RNF182: variants seen among roughly 807,000 people sequenced by gnomAD.
The protein encoded by RNF182 is E3 ubiquitin-protein ligase RNF182.
RNF182 carries 15 observed loss-of-function variants against 14.4 expected under a neutral mutation model. The ratio of observed to expected loss-of-function variants is 1.04; its 90% CI spans 0.70 to 1.60. RNF182 has a LOEUF of 1.60. RNF182 is among the 40% of genes most tolerant of loss of function. The probability of loss-of-function intolerance (pLI) is 0.00; values close to 1 mark genes in which losing one functional copy is unlikely to be tolerated. For missense variants in RNF182, 268 were observed against 294.8 expected, an observed-to-expected ratio of 0.91 and a Z score of 0.67; for synonymous variants, 128 against 122.9, an observed-to-expected ratio of 1.04 and a Z score of -0.27.
At chr6:13,955,167 T>C (rs1383031849) in intron 1 of RNF182, among the ~76,000 whole-genome samples, 1 of 152,236 alleles carries the variant, frequency 6.6e-6, no homozygotes. Flanking sequence ...GTAGTAGGAA[T>C]GCAGCGTTGG....
chr6:13,970,353 G>A (rs1319654581), intron 1 of RNF182, among the ~76,000 whole-genome samples: 1 of 152,154 alleles, frequency 6.6e-6, no homozygotes, highest in Admixed American at 6.5e-5. Flanking sequence ...AGAACATGAG[G>A]TATTTGTCTT....
chr6:13,976,193 T>G (rs1369427482), intron 2 of RNF182, among the ~76,000 whole-genome samples: 3 of 152,226 alleles, frequency 2.0e-5, no homozygotes, highest in African/African-American at 7.2e-5. Context: ...TTACTTCTCT[T>G]TCTTGGGACT....
At chr6:13,969,887 CT>C (rs914598017) in intron 1 of RNF182, among the ~76,000 whole-genome samples, 2 of 151,994 alleles carry the variant, frequency 1.3e-5, no homozygotes, top group African/African-American at 4.8e-5. Context: ...GAAAAGAAAA[CT>C]TTGTATTTAT....
At chr6:13,973,614 A>G (rs1029523456) in intron 1 of RNF182, among the ~76,000 whole-genome samples, 16 of 152,134 alleles carry the variant, frequency 1.1e-4, no homozygotes, top group African/African-American at 3.9e-4. Flanking sequence ...TTTGCTTGGC[A>G]TTCATTGTCT....
intron 1 of RNF182, among the ~76,000 whole-genome samples, chr6:13,951,170 C>T (rs750552447): frequency 6.6e-6 from 1 of 152,168 alleles, no homozygotes; most frequent in Non-Finnish European, 1.5e-5. Flanking sequence ...CATATAAATA[C>T]ACGGAGAGAT....
intron 1 of RNF182, among the ~76,000 whole-genome samples, chr6:13,960,702 C>A: frequency 6.8e-6 from 1 of 147,276 alleles, no homozygotes; most frequent in Non-Finnish European, 1.5e-5. Context: ...TGCGCGCGTG[C>A]ACATGCATGT....
At chr6:13,960,656 A>AGTGTGTGTGTGT (rs745687828) in intron 1 of RNF182, among the ~76,000 whole-genome samples, 183 of 133,212 alleles carry the variant, frequency 1.4e-3, no homozygotes, top group Middle Eastern at 7.4e-3. Context: ...GGAGAGAGAG[A>AGTGTGTGTGTGT]GTGTGTGTGT....
At chr6:13,968,051 G>GA (rs1171995907) in intron 1 of RNF182, among the ~76,000 whole-genome samples, 10 of 148,232 alleles carry the variant, frequency 6.7e-5, no homozygotes, top group African/African-American at 1.2e-4. Context: ...TATGAATTGG[G>GA]AAAAAAATCA....
At position 13,977,666 on chromosome 6, in the gene RNF182, C is replaced by T. The variant is rs376459249; in HGVS notation, c.547C>T (p.Arg183Trp). The T allele has an allele frequency of 9.3e-6, 15 of 1,613,978 alleles. 1 individual carries two copies. Among genetic ancestry groups the T allele is most frequent in the African/African-American group, 2.7e-5 (2 of 74,918 alleles). The change falls in exon 3 of 3, where the codon CGG becomes TGG. Residue 183 changes from arginine to tryptophan, a missense_variant. Arg to Trp is a moderately radical substitution (Grantham distance 101, BLOSUM62 -3). Transcript: ENST00000488300. ...CTSLLFQTSIRVLVWLLGLLY... is the reference protein window; with the variant it reads ...CTSLLFQTSIWVLVWLLGLLY... ...GTCCCTGCTGTTTCAGACATCCATCCGGGTGTTAGTGTGGTTGCTAGGTTT... is the reference window on the plus strand; with the variant it reads ...GTCCCTGCTGTTTCAGACATCCATCTGGGTGTTAGTGTGGTTGCTAGGTTT...
chr6:13,930,676 CAAGT>C (rs1316659586), intron 1 of RNF182, among the ~76,000 whole-genome samples: 1 of 152,144 alleles, frequency 6.6e-6, no homozygotes, highest in East Asian at 1.9e-4. Context: ...TTCATAAAAG[CAAGT>C]GAGTAAACAT....
At position 13,977,474 on chromosome 6, in the gene RNF182, G is replaced by T. The variant is rs762353538; in HGVS notation, c.355G>T (p.Val119Phe). The stretch of plus-strand genomic sequence containing the variant: ...CACCCCCAAGAGGCTGGCCTCTCTG[G>T]TCAGTCCTTCTCACACGTCCTCCAA... The part of the protein sequence containing the change: ...LLTPKRLASL[V>F]SPSHTSSNCL... The change falls in exon 3 of 3, where the codon GTC becomes TTC. Residue 119 changes from valine (V) to phenylalanine (F), a missense_variant. Physicochemically the swap from Val to Phe is conservative, Grantham distance 50. Transcript: ENST00000488300. 1 of 1,614,140 alleles carries T rather than the reference G, an allele frequency of 6.2e-7. No individual in the cohort carries two copies.
At chr6:13,965,983 C>CT (rs555371170) in intron 1 of RNF182, among the ~76,000 whole-genome samples, 82 of 152,152 alleles carry the variant, frequency 5.4e-4, no homozygotes, top group Non-Finnish European at 9.4e-4. Flanking sequence ...TTCTTTGATA[C>CT]TTTTTTTTGA....
chr6:13,956,923 C>A (rs1320247091), intron 1 of RNF182, among the ~76,000 whole-genome samples: 1 of 152,108 alleles, frequency 6.6e-6, no homozygotes. Context: ...CGCCCCCCAC[C>A]ATACACACAC....
At chr6:13,943,652 T>C (rs1459943072) in intron 1 of RNF182, among the ~76,000 whole-genome samples, 1 of 152,212 alleles carries the variant, frequency 6.6e-6, no homozygotes, top group Non-Finnish European at 1.5e-5. Context: ...AGTATCATTG[T>C]ATGGCACCTA....
intron 1 of RNF182, among the ~76,000 whole-genome samples, chr6:13,938,502 CTTCT>C (rs1363424827): frequency 6.6e-6 from 1 of 151,924 alleles, no homozygotes; most frequent in African/African-American, 2.4e-5. Flanking sequence ...CTTTTTGTGT[CTTCT>C]TTAAGAATTT....
chr6:13,925,149 G>T, intron 1 of RNF182, 126 bp downstream of exon 1: 1 of 119,690 alleles, frequency 8.4e-6, no homozygotes, highest in South Asian at 2.5e-4. Flanking sequence ...GAGGAGAGGG[G>T]GCGGCAAACT....
intron 1 of RNF182, among the ~76,000 whole-genome samples, chr6:13,960,657 GT>G (rs1759849736): frequency 3.5e-5 from 2 of 57,054 alleles, no homozygotes; most frequent in Non-Finnish European, 7.9e-5. Context: ...GAGAGAGAGA[GT>G]GTGTGTGTGT....
intron 1 of RNF182, among the ~76,000 whole-genome samples, chr6:13,942,415 C>T (rs1028821219): frequency 1.3e-5 from 2 of 152,134 alleles, no homozygotes; most frequent in Admixed American, 6.5e-5. Flanking sequence ...GATCTCAGCT[C>T]ACTGCAACCT....
chr6:13,929,537 T>C (rs1218176402), intron 1 of RNF182, among the ~76,000 whole-genome samples: 1 of 152,248 alleles, frequency 6.6e-6, no homozygotes, highest in African/African-American at 2.4e-5. Flanking sequence ...TGCAGTAATT[T>C]TGACTTCCAG....
Sources: gnomAD v4.1 joint callset for allele counts (sites outside exome capture counted in the v4.1 genomes callset) on GRCh38, gnomAD v4.1.1 for gene constraint, MANE v1.5 for transcripts, NCBI Gene and HGNC (gene_info 2026-07-23, HGNC 2026-07-21) for gene names.